Variants in APBB2 observed in about 807,000 individuals in gnomAD.
The protein encoded by APBB2 is amyloid beta precursor protein binding family B member 2, also known as Fe65-like 1.
In APBB2, 38 loss-of-function variants were observed where a neutral mutation model predicts 82.5. The ratio of observed to expected loss-of-function variants is 0.46; its 90% CI spans 0.36 to 0.60. APBB2 has a LOEUF of 0.60. Ranked by LOEUF, APBB2 falls within the 20% of genes least tolerant of loss-of-function variation. APBB2 has a pLI of 0.00. For missense variants in APBB2, 772 were observed against 972.3 expected, an observed-to-expected ratio of 0.79 and a Z score of 2.74; for synonymous variants, 341 against 368.2, an observed-to-expected ratio of 0.93 and a Z score of 0.85.
chr4:40,922,972 T>A (rs1478198446), intron 10 of APBB2, among the ~76,000 whole-genome samples: 2 of 113,444 alleles, frequency 1.8e-5, no homozygotes, highest in African/African-American at 6.6e-5. Flanking sequence ...TCTCCATCAA[T>A]TTTTTTCTTT....
rs1744412355 is a variant in APBB2 at position 40,811,535 on chromosome 4, T to C, written c.*4557A>G. 1 of 38,258 alleles carries C rather than the reference T, an allele frequency of 2.6e-5. No homozygotes were observed. The highest frequency in any genetic ancestry group is 3.1e-4 in the Admixed American group (1 of 3,278). The allele number at this position is 38,258 out of a possible 1,614,324, so 2.4% of individuals were successfully genotyped here. The stretch of plus-strand genomic sequence containing the variant: ...CCACTGCACTCCAGAGTAAGACTCC[T>C]CTGTCTGAAGAAAAAAAAAAAAAGC... On this transcript the variant is annotated 3_prime_UTR_variant, in exon 18 of 18. Transcript: ENST00000508593.
chr4:41,171,357 A>T (rs923727573), intron 1 of APBB2, among the ~76,000 whole-genome samples: 1 of 150,212 alleles, frequency 6.7e-6, no homozygotes, highest in African/African-American at 2.5e-5. Context: ...ACACCTGTAA[A>T]TTGTTTTGTT....
At chr4:41,170,520 C>A (rs1489380541) in intron 1 of APBB2, among the ~76,000 whole-genome samples, 1 of 152,100 alleles carries the variant, frequency 6.6e-6, no homozygotes, top group African/African-American at 2.4e-5. Context: ...GAAGAGATAA[C>A]CAAAAAATTC....
At chr4:40,926,502 G>A (rs1782640316) in intron 10 of APBB2, among the ~76,000 whole-genome samples, 1 of 152,060 alleles carries the variant, frequency 6.6e-6, no homozygotes, top group South Asian at 2.1e-4. Flanking sequence ...CTGGCATGCG[G>A]TGGCGCGATC....
intron 2 of APBB2, among the ~76,000 whole-genome samples, chr4:41,111,597 C>T (rs1464142614): frequency 2.0e-5 from 3 of 152,092 alleles, no homozygotes; most frequent in Non-Finnish European, 4.4e-5. Flanking sequence ...TCTGTAATTT[C>T]CATGTATTGT....
In APBB2 at chr4:40,853,477, G is replaced by A. The variant is rs138114072; in HGVS notation, c.1530-22900C>T. On this transcript the variant is annotated intron_variant, in intron 12 of 17. Transcript: ENST00000508593. ...TCCTTCTTTTTTTTTTTGCGATGGA[G>A]TTTCGCTCGTTGTCCAGGCTGGAGT... Among the ~76,000 whole-genome samples the A allele has an allele frequency of 6.2e-3, 940 of 151,038 alleles. 14 individuals carry two copies. Among genetic ancestry groups the A allele is most frequent in the African/African-American group, 0.021 (871 of 41,144 alleles).
intron 5 of APBB2, among the ~76,000 whole-genome samples, chr4:41,027,823 T>G (rs527663303): frequency 6.6e-6 from 1 of 152,278 alleles, no homozygotes; most frequent in South Asian, 2.1e-4. Context: ...AGCATAAAGG[T>G]GGTTCTCTTG....
At chr4:41,001,935 C>T (rs1336304464) in intron 6 of APBB2, among the ~76,000 whole-genome samples, 1 of 151,898 alleles carries the variant, frequency 6.6e-6, no homozygotes, top group Non-Finnish European at 1.5e-5. Flanking sequence ...CAATAAGCAT[C>T]AGCTCACCTC....
At chr4:41,128,465 T>C (rs1755047131) in intron 2 of APBB2, among the ~76,000 whole-genome samples, 1 of 152,158 alleles carries the variant, frequency 6.6e-6, no homozygotes, top group Admixed American at 6.5e-5. Flanking sequence ...AAGGTAACAT[T>C]TTAAAATTTC....
Position 40,816,271 on chromosome 4 carries a change from C to T in APBB2, c.2113-12G>A, listed in dbSNP as rs547457464. On this transcript the variant is annotated splice_polypyrimidine_tract_variant and intron_variant, in intron 17 of 17. Transcript: ENST00000508593. ...TTCTGATATCGTAACTGAAATAAAACAAAACGTGTTTTAAGGTAATTAACA... is the reference window on the plus strand; with the variant it reads ...TTCTGATATCGTAACTGAAATAAAATAAAACGTGTTTTAAGGTAATTAACA... 49 of 1,614,076 alleles carry T rather than the reference C, an allele frequency of 3.0e-5. No homozygotes were observed. In the South Asian group the frequency reaches 4.9e-4, roughly 16 times the overall value.
intron 1 of APBB2, among the ~76,000 whole-genome samples, chr4:41,170,724 G>A (rs1768014202): frequency 6.6e-6 from 1 of 152,020 alleles, no homozygotes; most frequent in Non-Finnish European, 1.5e-5. Context: ...AAGGTCTACA[G>A]ATGATGGTAT....
intron 1 of APBB2, among the ~76,000 whole-genome samples, chr4:41,165,260 A>G (rs983703532): frequency 6.6e-6 from 1 of 152,118 alleles, no homozygotes; most frequent in African/African-American, 2.4e-5. Flanking sequence ...TCTTTCAAGG[A>G]TGCTACAAGG....
chr4:40,973,943 C>G (rs1009979326), intron 6 of APBB2, among the ~76,000 whole-genome samples: 33 of 151,948 alleles, frequency 2.2e-4, no homozygotes, highest in African/African-American at 7.7e-4. Context: ...CCTCCGCCCC[C>G]CAAGTTCAAG....
chr4:41,186,975 T>C (rs1425365102), intron 1 of APBB2, among the ~76,000 whole-genome samples: 1 of 152,236 alleles, frequency 6.6e-6, no homozygotes, highest in Non-Finnish European at 1.5e-5. Context: ...AGAACTTAAT[T>C]TTATCACTAA....
At chr4:40,931,850 T>C (rs1007449421) in intron 10 of APBB2, among the ~76,000 whole-genome samples, 9 of 152,174 alleles carry the variant, frequency 5.9e-5, no homozygotes, top group African/African-American at 2.2e-4. Context: ...ACATCTTCTA[T>C]GGAACAAAGT....
chr4:41,108,818 T>C (rs950791183), intron 2 of APBB2, among the ~76,000 whole-genome samples: 2 of 152,240 alleles, frequency 1.3e-5, no homozygotes, highest in East Asian at 1.9e-4. Flanking sequence ...CAACCCCTTG[T>C]TTCTCCTATC....
At chr4:40,935,469 A>G in intron 7 of APBB2, 1 of 249,000 alleles carries the variant, frequency 4.0e-6, no homozygotes, top group Non-Finnish European at 7.6e-6. Context: ...AGCATACCTA[A>G]TTCCATAATA....
chr4:41,073,906 C>T (rs3113453), intron 3 of APBB2, among the ~76,000 whole-genome samples: 151,728 of 152,370 alleles, frequency 1, 75,545 homozygotes, highest in Middle Eastern at 1. Flanking sequence ...TTGAGGCCAG[C>T]AGTTCAAGAC....
chr4:41,126,216 C>CAA (rs570780744), intron 2 of APBB2, among the ~76,000 whole-genome samples: 19 of 59,454 alleles, frequency 3.2e-4, no homozygotes, highest in South Asian at 8.3e-4. Flanking sequence ...CGTGTCTCTA[C>CAA]AAAAAAAAAA....
Sources: gnomAD v4.1 joint callset for allele counts (sites outside exome capture counted in the v4.1 genomes callset) on GRCh38, gnomAD v4.1.1 for gene constraint, MANE v1.5 for transcripts, NCBI Gene and HGNC (gene_info 2026-07-23, HGNC 2026-07-21) for gene names.